Variants in MRPL22 observed in about 807,000 individuals in gnomAD.
MRPL22 encodes large ribosomal subunit protein uL22m.
MRPL22 carries 27 observed loss-of-function variants against 32.4 expected under a neutral mutation model. The ratio of observed to expected loss-of-function variants is 0.83; its 90% CI spans 0.61 to 1.15. The LOEUF (loss-of-function observed/expected upper bound fraction) is 1.15, where lower values mean the gene tolerates loss of function less well. MRPL22 is among the 50% of genes most tolerant of loss of function. MRPL22 has a pLI of 0.00. For synonymous variants in MRPL22, 86 were observed against 87.3 expected (o/e 0.99, Z 0.08); for missense variants, 239 against 260.2 (o/e 0.92, Z 0.56).
chr5:154,941,281 C>T lies in MRPL22; in HGVS notation c.77+16C>T, dbSNP rs1764411338. 1.9e-6 allele frequency: 3 copies of T among 1,612,558 alleles called. No individual in the cohort carries two copies. The highest frequency in any genetic ancestry group is 2.5e-6 in the Non-Finnish European group (3 of 1,179,976). On this transcript the variant is annotated intron_variant, in intron 2 of 6. Transcript: ENST00000523037. Reference sequence around the variant, plus strand: ...TGGCCTTGGGGTGAGTCTCTCGCTTCGGAGTTTCGGAAGGGCCCAAGGCAT... The same window carrying T: ...TGGCCTTGGGGTGAGTCTCTCGCTTTGGAGTTTCGGAAGGGCCCAAGGCAT...
chr5:154,943,391 C>G (rs1434804160), intron 2 of MRPL22, among the ~76,000 whole-genome samples: 1 of 151,776 alleles, frequency 6.6e-6, no homozygotes, highest in South Asian at 2.1e-4. Context: ...GCATGAGCCG[C>G]CAGGAAACTT....
chr5:154,943,397 A>G (rs772602687), intron 2 of MRPL22, among the ~76,000 whole-genome samples: 4 of 151,904 alleles, frequency 2.6e-5, no homozygotes, highest in Non-Finnish European at 4.4e-5. Context: ...GCCGCCAGGA[A>G]ACTTAATTGC....
In MRPL22 at chr5:154,966,696, C is replaced by G. The variant is rs137983944; in HGVS notation, c.420C>G (p.Thr140=). The G allele has an allele frequency of 1.9e-6, 3 of 1,613,780 alleles. No individual in the cohort carries two copies. The African/African-American group carries it at 4.0e-5, about 22-fold the overall frequency. The change falls in exon 7 of 7, where the codon ACC becomes ACG. Residue 140 remains threonine, a synonymous_variant. Coordinates refer to ENST00000523037, the MANE Select transcript of MRPL22 (RefSeq NM_014180.4). The stretch of plus-strand genomic sequence containing the variant: ...TTTCTTCCTGTTTAGCTGAGTCCAC[C>G]TCAGGACGAGGCCAGTGCCTGAAAC... The part of the protein sequence containing the change: ...FRSNLYIAES[T]SGRGQCLKRI...
chr5:154,949,844 C>T (rs1764535275), intron 2 of MRPL22, among the ~76,000 whole-genome samples: 1 of 152,180 alleles, frequency 6.6e-6, no homozygotes, highest in Non-Finnish European at 1.5e-5. Context: ...CATTCAAAGA[C>T]AACCACTCTA....
At chr5:154,966,652 C>T in intron 6 of MRPL22, 34 bp from the exon 7 acceptor site, 3 of 1,605,816 alleles carry the variant, frequency 1.9e-6, no homozygotes, top group Non-Finnish European at 2.6e-6. Flanking sequence ...GGATAACACT[C>T]ATTTCCTGTA....
chr5:154,966,713 G>T lies in MRPL22; in HGVS notation c.437G>T (p.Cys146Phe). The part of the protein sequence containing the change: ...IAESTSGRGQ[C>F]LKRIRYHGRG... ...GAGTCCACCTCAGGACGAGGCCAGT[G>T]CCTGAAACGCATCCGCTACCATGGC... The change falls in exon 7 of 7, where the codon TGC becomes TTC. Residue 146 changes from cysteine to phenylalanine, a missense_variant. Cys to Phe is a radical substitution (Grantham distance 205). Coordinates refer to ENST00000523037, the MANE Select transcript of MRPL22 (RefSeq NM_014180.4). 6.2e-7 allele frequency: 1 copy of T among 1,614,066 alleles called. No homozygotes were observed. The highest frequency in any genetic ancestry group is 8.5e-7 in the Non-Finnish European group (1 of 1,180,040).
At chr5:154,963,636 G>C (rs1764731224) in intron 6 of MRPL22, among the ~76,000 whole-genome samples, 1 of 152,100 alleles carries the variant, frequency 6.6e-6, no homozygotes, top group Non-Finnish European at 1.5e-5. Flanking sequence ...AATTATTTCT[G>C]TTTCTATGGA....
intron 2 of MRPL22, among the ~76,000 whole-genome samples, chr5:154,950,463 T>A (rs1764545216): frequency 6.6e-6 from 1 of 152,218 alleles, no homozygotes; most frequent in Admixed American, 6.5e-5. Flanking sequence ...CTCAACAAAG[T>A]TGGGCAATCT....
chr5:154,965,382 C>G (rs1039963992), intron 6 of MRPL22, among the ~76,000 whole-genome samples: 2 of 151,390 alleles, frequency 1.3e-5, no homozygotes, highest in African/African-American at 4.9e-5. Flanking sequence ...GGCTACTACT[C>G]TGACTTATTG....
At chr5:154,941,642 C>A (rs781234343) in intron 2 of MRPL22, among the ~76,000 whole-genome samples, 4 of 152,174 alleles carry the variant, frequency 2.6e-5, no homozygotes, top group Non-Finnish European at 4.4e-5. Context: ...TCGTACCTGA[C>A]ATTGTGTTTA....
chr5:154,964,252 G>C (rs1042424960), intron 6 of MRPL22, among the ~76,000 whole-genome samples: 4 of 152,192 alleles, frequency 2.6e-5, no homozygotes, highest in African/African-American at 9.7e-5. Flanking sequence ...GACAGAGCCT[G>C]GTACCCAGGA....
chr5:154,954,955 C>CT (rs1225282359), intron 3 of MRPL22, among the ~76,000 whole-genome samples: 2 of 150,724 alleles, frequency 1.3e-5, no homozygotes, highest in Admixed American at 6.6e-5. Context: ...CCATGCCCGG[C>CT]TAATTTTTTT....
rs35140335 is a variant in MRPL22, at chr5:154,966,870, C to T, written c.594C>T (p.Arg198=). Residue 198 remains arginine (R), a synonymous_variant, in exon 7 of 7, where the codon CGC becomes CGT. Transcript: ENST00000523037. ...CCAAAGAGTATATTCAGCAGCTTCG[C>T]AGCCGGACCATCGTTCACACTCTAT... ...AHAKEYIQQL[R]SRTIVHTL 45 of 1,613,600 alleles carry T rather than the reference C, an allele frequency of 2.8e-5. No individual in the cohort carries two copies. In the African/African-American group the frequency reaches 5.7e-4, roughly 21 times the overall value.
intron 6 of MRPL22, among the ~76,000 whole-genome samples, chr5:154,960,596 A>G (rs929548966): frequency 1.3e-5 from 2 of 152,238 alleles, no homozygotes; most frequent in African/African-American, 2.4e-5. Flanking sequence ...ATCCTGAAGC[A>G]TTAGCTCTGC....
chr5:154,966,353 C>T (rs1470407237), intron 6 of MRPL22, among the ~76,000 whole-genome samples: 1 of 152,178 alleles, frequency 6.6e-6, no homozygotes, highest in African/African-American at 2.4e-5. Context: ...CCCTTACACC[C>T]CATCATTGTC....
chr5:154,948,024 A>G (rs1245616393), intron 2 of MRPL22, among the ~76,000 whole-genome samples: 3 of 152,210 alleles, frequency 2.0e-5, no homozygotes, highest in East Asian at 1.9e-4. Flanking sequence ...AAGGCCTTCT[A>G]TGTCTCGCTA....
At chr5:154,951,806 C>A (rs550979571) in intron 3 of MRPL22, among the ~76,000 whole-genome samples, 8 of 151,424 alleles carry the variant, frequency 5.3e-5, no homozygotes, top group Non-Finnish European at 1.2e-4. Flanking sequence ...CACAATTGCA[C>A]AAATATCATA....
chr5:154,958,220 A>G (rs1764656779), intron 5 of MRPL22, among the ~76,000 whole-genome samples: 1 of 151,686 alleles, frequency 6.6e-6, no homozygotes, highest in South Asian at 2.1e-4. Flanking sequence ...CGCCTGGCCT[A>G]TTTTTCTTTT....
At chr5:154,959,953 TA>T in intron 5 of MRPL22, 26 bp from the exon 6 acceptor site, 1 of 1,557,850 alleles carries the variant, frequency 6.4e-7, no homozygotes, top group Non-Finnish European at 8.8e-7. Flanking sequence ...TTTAGCCGTA[TA>T]AATGCTTTTC....
Sources: allele counts gnomAD v4.1 joint callset (sites outside exome capture counted in the v4.1 genomes callset), GRCh38; gene constraint gnomAD v4.1.1; transcripts MANE v1.5; gene names NCBI Gene and HGNC (gene_info 2026-07-23, HGNC 2026-07-21).